ONECUT3: variants seen among roughly 807,000 people sequenced by gnomAD.
The protein encoded by ONECUT3 is one cut domain family member 3.
A neutral mutation model predicts 16.8 loss-of-function variants in ONECUT3; 11 were observed. The observed-to-expected ratio is 0.66, with a 90% confidence interval of 0.41 to 1.09. ONECUT3 has a LOEUF of 1.09. Among genes scored for constraint, ONECUT3 ranks in the 50% least tolerant of loss-of-function variants. ONECUT3 has a pLI of 0.00. For synonymous variants in ONECUT3, 344 were observed against 310.7 expected, an observed-to-expected ratio of 1.11 and a Z score of -1.13; for missense variants, 637 against 629.9, an observed-to-expected ratio of 1.01 and a Z score of -0.12.
chr19:1,760,436 G>A (rs1032778820), intron 1 of ONECUT3, among the ~76,000 whole-genome samples: 8 of 151,026 alleles, frequency 5.3e-5, no homozygotes, highest in South Asian at 2.1e-4. Context: ...GGGGCGGGGG[G>A]TGGCACTTTC....
At position 1,775,910 on chromosome 19, in the gene ONECUT3, C is replaced by G. The variant is rs1465638500; in HGVS notation, c.*465C>G. On this transcript the variant is annotated 3_prime_UTR_variant, in exon 2 of 2. Coordinates refer to ENST00000382349, the MANE Select transcript of ONECUT3 (RefSeq NM_001080488.2). ...ACCGAGGGAGGTAGTAGAAAACTTC[C>G]TTCCTCCCCACCCGCCCCGGCCCCC... The G allele has an allele frequency of 6.5e-6, 1 of 152,756 alleles. No homozygotes were observed. Among genetic ancestry groups the G allele is most frequent in the Non-Finnish European group, 1.5e-5 (1 of 68,496 alleles). 9.5% of individuals were successfully genotyped at this position (152,756 alleles called of 1,614,324 possible). A position where few individuals can be genotyped will look rare whatever the true frequency, so the allele number is the denominator to read the frequency against.
rs2067911636 is a variant in ONECUT3, at chr19:1,755,434, C to T, written c.1192+580C>T. Among the ~76,000 whole-genome samples, 1 of 152,140 alleles carries T rather than the reference C, an allele frequency of 6.6e-6. No individual in the cohort carries two copies. Among genetic ancestry groups the T allele is most frequent in the South Asian group, 2.1e-4 (1 of 4,820 alleles). On this transcript the variant is annotated intron_variant, in intron 1 of 1. Transcript: ENST00000382349. The surrounding 1 kb of genome is among the most constrained non-coding windows in gnomAD (Gnocchi z 7.5). ...CGCGCTTCTTTGTAGTTCGGCCCCG[C>T]GATCGATACCCCCTCCCTCTCCCCT... is the stretch of plus-strand genomic sequence containing the variant.
In ONECUT3 at chr19:1,775,528, G is replaced by C. The variant is rs2068098983; in HGVS notation, c.*83G>C. 1 of 1,366,068 alleles carries C rather than the reference G, an allele frequency of 7.3e-7. No homozygotes were observed. The highest frequency in any genetic ancestry group is 1.5e-5 in the African/African-American group (1 of 64,622). 84.6% of individuals were successfully genotyped at this position (1,366,068 alleles called of 1,614,324 possible). A position where few individuals can be genotyped will look rare whatever the true frequency, so the allele number is the denominator to read the frequency against. On this transcript the variant is annotated 3_prime_UTR_variant, in exon 2 of 2. Transcript: ENST00000382349. Reference sequence around the variant, plus strand: ...CACCTCCCCACATCCTGCCGGCCCGGAGACCCGCCCCCAGGGGGCACCTGG... The same window carrying C: ...CACCTCCCCACATCCTGCCGGCCCGCAGACCCGCCCCCAGGGGGCACCTGG...
At chr19:1,760,368 C>T (rs1047764820) in intron 1 of ONECUT3, among the ~76,000 whole-genome samples, 13 of 140,864 alleles carry the variant, frequency 9.2e-5, no homozygotes, top group South Asian at 2.4e-4. Context: ...GGTGACGCTT[C>T]GGGACGAAGT....
chr19:1,758,690 C>G lies in ONECUT3; in HGVS notation c.1192+3836C>G, dbSNP rs2067930616. On this transcript the variant is annotated intron_variant, in intron 1 of 1. Coordinates refer to ENST00000382349, the MANE Select transcript of ONECUT3 (RefSeq NM_001080488.2). The surrounding 1 kb of genome is among the most constrained non-coding windows in gnomAD (Gnocchi z 5.9). ...CCCCCACCCCATGGTCCTCCGAGTCCCGCACTTCGGAGCTGCCTCCTGGTC... is the reference window on the plus strand; with the variant it reads ...CCCCCACCCCATGGTCCTCCGAGTCGCGCACTTCGGAGCTGCCTCCTGGTC... 6.6e-6 allele frequency among the ~76,000 whole-genome samples: 1 copy of G among 151,510 alleles called. No individual in the cohort carries two copies. The highest frequency in any genetic ancestry group is 1.5e-5 in the Non-Finnish European group (1 of 67,862).
intron 1 of ONECUT3, among the ~76,000 whole-genome samples, chr19:1,763,606 G>T (rs1452526186): frequency 6.6e-6 from 1 of 151,954 alleles, no homozygotes; most frequent in African/African-American, 2.4e-5. Flanking sequence ...GCATTCGCCA[G>T]TTTCCGAATT....
In ONECUT3 at chr19:1,754,341, G is replaced by T; in HGVS notation, c.679G>T (p.Ala227Ser). Residue 227 changes from alanine to serine, a missense_variant, in exon 1 of 2, where the codon GCC (alanine) becomes TCC (serine). By Grantham distance (99) the Ala-to-Ser change is moderately conservative. Coordinates refer to ENST00000382349, the MANE Select transcript of ONECUT3 (RefSeq NM_001080488.2). This position sits in a 1 kb window ranked among gnomAD's most constrained non-coding sequence, Gnocchi z 7.4. ...PPPPPPPPLA[A>S]YGPPGHLAGD... ...GCCGCCACCACCCCCGCCGCTGGCC[G>T]CCTACGGCCCGCCAGGCCACCTGGC... 2.8e-6 allele frequency: 3 copies of T among 1,069,030 alleles called. No homozygotes were observed. Among genetic ancestry groups the T allele is most frequent in the Non-Finnish European group, 2.3e-6 (2 of 885,232 alleles). 66.2% of individuals were successfully genotyped at this position (1,069,030 alleles called of 1,614,324 possible).
Position 1,779,030 on chromosome 19 carries a change from C to G in ONECUT3, c.*3585C>G, listed in dbSNP as rs1247015365. 2 of 152,258 alleles carry G rather than the reference C, an allele frequency of 1.3e-5. No homozygotes were observed. Among genetic ancestry groups the G allele is most frequent in the Non-Finnish European group, 2.9e-5 (2 of 68,086 alleles). 9.4% of individuals were successfully genotyped at this position (152,258 alleles called of 1,614,324 possible). A position where few individuals can be genotyped will look rare whatever the true frequency, so the allele number is the denominator to read the frequency against. The stretch of plus-strand genomic sequence containing the variant: ...CCTGCCTCCCCGCATGCCCACTTGG[C>G]TGTCACATACCAAAGAGCATGCGTT... On this transcript the variant is annotated 3_prime_UTR_variant, in exon 2 of 2. Coordinates refer to ENST00000382349, the MANE Select transcript of ONECUT3 (RefSeq NM_001080488.2).
At position 1,775,172 on chromosome 19, in the gene ONECUT3, G is replaced by C; in HGVS notation, c.1212G>C (p.Gln404His). 3.4e-6 allele frequency: 5 copies of C among 1,487,000 alleles called. No homozygotes were observed. Among genetic ancestry groups the C allele is most frequent in the Non-Finnish European group, 4.5e-6 (5 of 1,107,456 alleles). 92.1% of individuals were successfully genotyped at this position (1,487,000 alleles called of 1,614,324 possible). A position where few individuals can be genotyped will look rare whatever the true frequency, so the allele number is the denominator to read the frequency against. Residue 404 changes from glutamine to histidine, a missense_variant, in exon 2 of 2, where the codon CAG becomes CAC. Gln to His is a conservative substitution (Grantham distance 24). Coordinates refer to ENST00000382349, the MANE Select transcript of ONECUT3 (RefSeq NM_001080488.2). ...LRLAACKRKE[Q>H]EQQKERALQP... is the part of the protein sequence containing the mutation. ...CCGCAGCCTGCAAGCGCAAGGAACA[G>C]GAGCAGCAGAAGGAGCGCGCCCTGC...
rs2068094339 is a variant in ONECUT3, at chr19:1,775,175, G to A, written c.1215G>A (p.Glu405=). 7.1e-7 allele frequency: 1 copy of A among 1,401,922 alleles called. No homozygotes were observed. Among genetic ancestry groups the A allele is most frequent in the Non-Finnish European group, 9.5e-7 (1 of 1,052,090 alleles). The allele number at this position is 1,401,922 out of a possible 1,614,324, so 86.8% of individuals were successfully genotyped here. Reference sequence around the variant, plus strand: ...CAGCCTGCAAGCGCAAGGAACAGGAGCAGCAGAAGGAGCGCGCCCTGCAGC... The same window carrying A: ...CAGCCTGCAAGCGCAAGGAACAGGAACAGCAGAAGGAGCGCGCCCTGCAGC... ...RLAACKRKEQ[E]QQKERALQPK... Residue 405 remains glutamate, a synonymous_variant, in exon 2 of 2, where the codon GAG becomes GAA. Coordinates refer to ENST00000382349, the MANE Select transcript of ONECUT3 (RefSeq NM_001080488.2).
At chr19:1,772,747 G>A (rs938895376) in intron 1 of ONECUT3, among the ~76,000 whole-genome samples, 1 of 118,126 alleles carries the variant, frequency 8.5e-6, no homozygotes, top group Non-Finnish European at 1.6e-5. Context: ...AGGCTGAAAT[G>A]CAATGGCACG....
rs1211594875 is a variant in ONECUT3, at chr19:1,762,278, G to A, written c.1192+7424G>A. ...AACCCTCCTGCCCTCCTGCCCTCCT[G>A]CCCTCCTCTCTGGGAGTCGGGACAG... is the stretch of plus-strand genomic sequence containing the variant. On this transcript the variant is annotated intron_variant, in intron 1 of 1. Coordinates refer to ENST00000382349, the MANE Select transcript of ONECUT3 (RefSeq NM_001080488.2). This position sits in a 1 kb window ranked among gnomAD's most constrained non-coding sequence, Gnocchi z 4.4. Among the ~76,000 whole-genome samples, 1 of 152,066 alleles carries A rather than the reference G, an allele frequency of 6.6e-6. No homozygotes were observed. Among genetic ancestry groups the A allele is most frequent in the Non-Finnish European group, 1.5e-5 (1 of 67,992 alleles).
intron 1 of ONECUT3, among the ~76,000 whole-genome samples, chr19:1,768,330 G>A (rs1261440028): frequency 6.6e-6 from 1 of 152,108 alleles, no homozygotes; most frequent in African/African-American, 2.4e-5. Context: ...GAGAACCGTC[G>A]TGCAAAGGAG....
At position 1,775,256 on chromosome 19, in the gene ONECUT3, C is replaced by T. The variant is rs1344302733; in HGVS notation, c.1296C>T (p.Ile432=). ...TDLQRRTLIA[I]FKENKRPSKE... Reference sequence around the variant, plus strand: ...TGCAGCGACGCACGCTGATCGCCATCTTCAAGGAGAACAAGCGGCCGTCCA... The same window carrying T: ...TGCAGCGACGCACGCTGATCGCCATTTTCAAGGAGAACAAGCGGCCGTCCA... Residue 432 remains isoleucine (I), a synonymous_variant, in exon 2 of 2, where the codon ATC becomes ATT. Transcript: ENST00000382349. The T allele has an allele frequency of 1.3e-6, 2 of 1,599,654 alleles. No homozygotes were observed. The highest frequency in any genetic ancestry group is 1.7e-6 in the Non-Finnish European group (2 of 1,173,264).
At position 1,762,282 on chromosome 19, in the gene ONECUT3, T is replaced by C. The variant is rs545049035; in HGVS notation, c.1192+7428T>C. On this transcript the variant is annotated intron_variant, in intron 1 of 1. Transcript: ENST00000382349. The surrounding 1 kb of genome is among the most constrained non-coding windows in gnomAD (Gnocchi z 4.4). ...CTCCTGCCCTCCTGCCCTCCTGCCC[T>C]CCTCTCTGGGAGTCGGGACAGAAGC... is the stretch of plus-strand genomic sequence containing the variant. 5.9e-5 allele frequency among the ~76,000 whole-genome samples: 9 copies of C among 152,096 alleles called. No individual in the cohort carries two copies. Among genetic ancestry groups the C allele is most frequent in the African/African-American group, 2.2e-4 (9 of 41,476 alleles).
chr19:1,768,637 C>T (rs992106063), intron 1 of ONECUT3, among the ~76,000 whole-genome samples: 35 of 152,192 alleles, frequency 2.3e-4, no homozygotes, highest in Admixed American at 6.5e-4. Flanking sequence ...AGGTCGGGAG[C>T]TGCTGGTGAT....
In ONECUT3 at chr19:1,755,488, T is replaced by G. The variant is rs1302238729; in HGVS notation, c.1192+634T>G. On this transcript the variant is annotated intron_variant, in intron 1 of 1. Coordinates refer to ENST00000382349, the MANE Select transcript of ONECUT3 (RefSeq NM_001080488.2). The surrounding 1 kb of genome is among the most constrained non-coding windows in gnomAD (Gnocchi z 7.5). The stretch of plus-strand genomic sequence containing the variant: ...GCCGCTGGCAAAGGTCACCCGAGAA[T>G]GGCGGGGGAGGGGCGGCCCCGGGGA... 2.6e-5 allele frequency among the ~76,000 whole-genome samples: 4 copies of G among 151,658 alleles called. No homozygotes were observed.
rs1194927157 is a variant in ONECUT3, at chr19:1,775,391, C to T, written c.1431C>T (p.Pro477=). The change falls in exon 2 of 2, where the codon CCC becomes CCT. Residue 477 remains proline (P), a synonymous_variant. Coordinates refer to ENST00000382349, the MANE Select transcript of ONECUT3 (RefSeq NM_001080488.2). ...GCATGAACCGCTGGGCTGAGGAGCCCAGCACGGCCCCCGGGGGCCCCGCCG... is the reference window on the plus strand; with the variant it reads ...GCATGAACCGCTGGGCTGAGGAGCCTAGCACGGCCCCCGGGGGCCCCGCCG... ...RRCMNRWAEE[P]STAPGGPAGA... The T allele has an allele frequency of 6.6e-7, 1 of 1,520,962 alleles. No individual in the cohort carries two copies. The highest frequency in any genetic ancestry group is 2.0e-5 in the Admixed American group (1 of 49,454). The allele number at this position is 1,520,962 out of a possible 1,614,324, so 94.2% of individuals were successfully genotyped here.
rs988467786 is a variant in ONECUT3 at position 1,755,885 on chromosome 19, T to C, written c.1192+1031T>C. Among the ~76,000 whole-genome samples the C allele has an allele frequency of 2.0e-5, 3 of 148,956 alleles. No homozygotes were observed. The highest frequency in any genetic ancestry group is 3.0e-5 in the Non-Finnish European group (2 of 67,278). Reference sequence around the variant, plus strand: ...CAGGCCCCCATTTCCTAGGTGGGGGTGTAAGGGTGCAGGAGGGCCCCTGGC... The same window carrying C: ...CAGGCCCCCATTTCCTAGGTGGGGGCGTAAGGGTGCAGGAGGGCCCCTGGC... On this transcript the variant is annotated intron_variant, in intron 1 of 1. Transcript: ENST00000382349. This position sits in a 1 kb window ranked among gnomAD's most constrained non-coding sequence, Gnocchi z 7.5.
Sources: gnomAD v4.1 joint callset for allele counts (sites outside exome capture counted in the v4.1 genomes callset) on GRCh38, gnomAD v4.1.1 for gene constraint, Gnocchi (gnomAD v3.1) non-coding constraint, MANE v1.5 for transcripts, NCBI Gene and HGNC (gene_info 2026-07-23, HGNC 2026-07-21) for gene names.